WDR64: variants seen among roughly 807,000 people sequenced by gnomAD.
The protein encoded by WDR64 is WD repeat-containing protein 64.
In WDR64, 112 loss-of-function variants were observed where a neutral mutation model predicts 139.3. The observed-to-expected ratio is 0.80, with a 90% CI of 0.69 to 0.94. The LOEUF is 0.94. Among genes scored for constraint, WDR64 ranks in the 40% least tolerant of loss-of-function variants. WDR64 has a pLI of 0.00. For missense variants in WDR64, 1,206 were observed against 1,293.1 expected, an observed-to-expected ratio of 0.93 and a Z score of 1.03; for synonymous variants, 444 against 437.7, an observed-to-expected ratio of 1.01 and a Z score of -0.18.
At chr1:241,671,275 G>A (rs1348461924) in intron 3 of WDR64, 99 bp downstream of exon 3, 2 of 885,568 alleles carry the variant, frequency 2.3e-6, no homozygotes, top group African/African-American at 3.4e-5. Context: ...TTCATTTTAT[G>A]TATTTGTTCA....
chr1:241,667,877 T>C (rs547657671), intron 2 of WDR64, among the ~76,000 whole-genome samples: 1 of 152,350 alleles, frequency 6.6e-6, no homozygotes, highest in African/African-American at 2.4e-5. Flanking sequence ...TTGCTACTGT[T>C]GTAATTTGTT....
chr1:241,780,182 C>A, intron 22 of WDR64, 120 bp downstream of exon 22: 1 of 848,716 alleles, frequency 1.2e-6, no homozygotes, highest in Non-Finnish European at 1.8e-6. Context: ...GGCACATATA[C>A]TATTGAAATT....
chr1:241,796,492 C>CT (rs5782206), intron 27 of WDR64, 122 bp downstream of exon 27: 16,621 of 499,732 alleles, frequency 0.033, 40 homozygotes, highest in African/African-American at 0.049. Flanking sequence ...TCAGTTCATA[C>CT]TTTTTTTTTT....
chr1:241,790,379 G>T (rs1178351319), intron 24 of WDR64, among the ~76,000 whole-genome samples: 1 of 151,964 alleles, frequency 6.6e-6, no homozygotes, highest in East Asian at 1.9e-4. Flanking sequence ...TAAATGGAAT[G>T]TTCTGGTTGA....
chr1:241,729,198 C>G (rs73141053), intron 10 of WDR64, among the ~76,000 whole-genome samples: 4,293 of 152,222 alleles, frequency 0.028, 160 homozygotes, highest in African/African-American at 0.077. Flanking sequence ...TGAAATGTGT[C>G]TCCTGTAAAT....
At position 241,783,385 on chromosome 1, in the gene WDR64, G is replaced by A. The variant is rs1175338295; in HGVS notation, c.2705+4G>A. On this transcript the variant is annotated splice_donor_region_variant and intron_variant, in intron 23 of 27. Transcript: ENST00000437684. Reference sequence around the variant, plus strand: ...CCTCCATCGATGGCTCAGTAAGGTAGGCCAAGATGGCATCATACTGTGAAT... The same window carrying A: ...CCTCCATCGATGGCTCAGTAAGGTAAGCCAAGATGGCATCATACTGTGAAT... 1.2e-6 allele frequency: 2 copies of A among 1,603,688 alleles called. No homozygotes were observed. Among genetic ancestry groups the A allele is most frequent in the African/African-American group, 2.7e-5 (2 of 74,666 alleles).
At chr1:241,689,068 C>T (rs968067091) in intron 8 of WDR64, among the ~76,000 whole-genome samples, 4 of 152,074 alleles carry the variant, frequency 2.6e-5, no homozygotes, top group Non-Finnish European at 5.9e-5. Flanking sequence ...AACCTCTGGT[C>T]GCACCTAAGA....
In WDR64 at chr1:241,790,582, T is replaced by C; in HGVS notation, c.2892-9T>C. 3 of 1,600,670 alleles carry C rather than the reference T, an allele frequency of 1.9e-6. No homozygotes were observed. The highest frequency in any genetic ancestry group is 2.6e-6 in the Non-Finnish European group (3 of 1,174,290). ...GGGTATGTACTTATTCTTGTATCTT[T>C]ATATGCAGATGGAGAAAAATGAGCT... On this transcript the variant is annotated splice_polypyrimidine_tract_variant and intron_variant, in intron 24 of 27. Coordinates refer to ENST00000437684, the MANE Select transcript of WDR64 (RefSeq NM_001367482.1).
chr1:241,660,448 T>C (rs1665780422), intron 1 of WDR64, 82 bp from the exon 2 acceptor site: 1 of 1,464,922 alleles, frequency 6.8e-7, no homozygotes, highest in South Asian at 1.3e-5. Context: ...AAATACAAGG[T>C]GAGGAAATAA....
At chr1:241,769,752 C>G (rs1658349382) in intron 17 of WDR64, among the ~76,000 whole-genome samples, 1 of 152,158 alleles carries the variant, frequency 6.6e-6, no homozygotes, top group Admixed American at 6.6e-5. Flanking sequence ...GCTGTGTGGT[C>G]CCCTCACCAT....
intron 19 of WDR64, 81 bp downstream of exon 19, chr1:241,771,778 T>C: frequency 9.9e-6 from 8 of 808,478 alleles, no homozygotes; most frequent in Non-Finnish European, 1.4e-5. Context: ...GTATTCTTAA[T>C]GAATATATAT....
chr1:241,799,120 C>T (rs1263152237), intron 27 of WDR64, among the ~76,000 whole-genome samples: 1 of 139,436 alleles, frequency 7.2e-6, no homozygotes, highest in Non-Finnish European at 1.5e-5. Flanking sequence ...AATCCCAGCA[C>T]TTTGGGAGGC....
chr1:241,788,022 T>C lies in WDR64; in HGVS notation c.2879T>C (p.Phe960Ser), dbSNP rs1310038217. Residue 960 changes from phenylalanine (F) to serine (S), a missense_variant, in exon 24 of 28, where the codon TTT becomes TCT. Phe to Ser is a radical substitution (Grantham distance 155, BLOSUM62 -2). Transcript: ENST00000437684. The stretch of plus-strand genomic sequence containing the variant: ...CAAAAATATGAATATCCTCTGATAT[T>C]TGACCGGGAAAAGTAAGACCATTAG... ...EKQKYEYPLI[F>S]DREKWRKMSS... 3.8e-6 allele frequency: 6 copies of C among 1,591,280 alleles called. No individual in the cohort carries two copies. Among genetic ancestry groups the C allele is most frequent in the Non-Finnish European group, 5.1e-6 (6 of 1,172,234 alleles).
chr1:241,762,411 G>A (rs1657954814), intron 15 of WDR64, among the ~76,000 whole-genome samples: 4 of 152,230 alleles, frequency 2.6e-5, no homozygotes, highest in Middle Eastern at 3.4e-3. Flanking sequence ...CCTCAACAAG[G>A]CAGGCGCATG....
chr1:241,681,045 C>T (rs1347831317), intron 6 of WDR64, among the ~76,000 whole-genome samples: 1 of 152,098 alleles, frequency 6.6e-6, no homozygotes, highest in Non-Finnish European at 1.5e-5. Flanking sequence ...TTTGACACCC[C>T]CTCCCCTCCT....
At chr1:241,754,254 T>A (rs1021519076) in intron 14 of WDR64, among the ~76,000 whole-genome samples, 4 of 151,994 alleles carry the variant, frequency 2.6e-5, no homozygotes, top group African/African-American at 4.8e-5. Context: ...TATCTTTTTT[T>A]ATATACTTTG....
At chr1:241,748,128 A>T (rs1473031246) in intron 13 of WDR64, among the ~76,000 whole-genome samples, 1 of 152,182 alleles carries the variant, frequency 6.6e-6, no homozygotes, top group East Asian at 1.9e-4. Flanking sequence ...ACAAAGCAAA[A>T]GCCTAAGCCA....
rs916403890 is a variant in WDR64 at position 241,744,586 on chromosome 1, G to A, written c.1594+70G>A. On this transcript the variant is annotated intron_variant, in intron 13 of 27. Transcript: ENST00000437684. ...GAGAATTTCCGCCAAAAACTCTTTC[G>A]TTCTTTAGGGTAGAAGGAGAGCATG... The A allele has an allele frequency of 6.2e-5, 99 of 1,590,244 alleles. No homozygotes were observed. In the East Asian group the frequency reaches 1.9e-3, roughly 30 times the overall value.
In WDR64 at chr1:241,660,050, T is replaced by G. The variant is rs561879438; in HGVS notation, c.146-480T>G. ...GTTTTTATAGTTTTGGGTTTTACAT[T>G]TAAGTCTTTAATCCATCCTGAGTTG... On this transcript the variant is annotated intron_variant, in intron 1 of 27. Transcript: ENST00000437684. 5.3e-5 allele frequency among the ~76,000 whole-genome samples: 8 copies of G among 152,344 alleles called. 1 individual carries two copies. In the South Asian group the frequency reaches 1.7e-3, roughly 32 times the overall value.
Sources: gnomAD v4.1 joint callset for allele counts (sites outside exome capture counted in the v4.1 genomes callset) on GRCh38, gnomAD v4.1.1 for gene constraint, MANE v1.5 for transcripts, NCBI Gene and HGNC (gene_info 2026-07-23, HGNC 2026-07-21) for gene names.